LMX1B: variants seen among roughly 807,000 people sequenced by gnomAD.
The protein encoded by LMX1B is LIM homeobox transcription factor 1 beta, also known as LIM homeobox transcription factor 1-beta.
LMX1B carries 12 observed loss-of-function variants against 51.4 expected under a neutral mutation model. That is an observed-to-expected ratio of 0.23 (90% CI 0.15 to 0.38). The LOEUF (loss-of-function observed/expected upper bound fraction) is 0.38, where lower values mean the gene tolerates loss of function less well. LMX1B is among the 10% of genes least tolerant of loss of function. LMX1B has a pLI of 1.00. For synonymous variants in LMX1B, 237 were observed against 235.4 expected, an observed-to-expected ratio of 1.01 and a Z score of -0.06; for missense variants, 445 against 571.1, an observed-to-expected ratio of 0.78 and a Z score of 2.25.
rs375644121 is a variant in LMX1B, at chr9:126,630,512, C to T, written c.326+14943C>T. Among the ~76,000 whole-genome samples the T allele has an allele frequency of 2.4e-4, 37 of 152,266 alleles. No homozygotes were observed. In the East Asian group the frequency reaches 5.0e-3, roughly 21 times the overall value. On this transcript the variant is annotated intron_variant, in intron 2 of 7. Coordinates refer to ENST00000373474, the MANE Select transcript of LMX1B (RefSeq NM_001174147.2). ...GTCATCCCTTCCAAACCCCATTTTA[C>T]AGGGGAGGAAATTAAAGCACAGAGA...
At chr9:126,667,063 C>A (rs1836353918) in intron 2 of LMX1B, among the ~76,000 whole-genome samples, 1 of 152,170 alleles carries the variant, frequency 6.6e-6, no homozygotes, top group East Asian at 1.9e-4. Flanking sequence ...TCAGGCAAAG[C>A]AGAAGTCAAA....
intron 2 of LMX1B, among the ~76,000 whole-genome samples, chr9:126,652,612 T>G (rs1013827500): frequency 2.6e-5 from 4 of 151,932 alleles, no homozygotes; most frequent in African/African-American, 4.8e-5. Flanking sequence ...TGCGTGACTG[T>G]GTGTGTGTGT....
chr9:126,682,108 T>TTTTTTTTTTAA (rs1554727665), intron 2 of LMX1B, among the ~76,000 whole-genome samples: 1 of 139,020 alleles, frequency 7.2e-6, no homozygotes, highest in African/African-American at 2.9e-5. Flanking sequence ...TTTTTTTTTT[T>TTTTTTTTTTAA]ATAGAGATGG....
chr9:126,696,897 G>T lies in LMX1B; in HGVS notation c.*446G>T, dbSNP rs894019334. The T allele has an allele frequency of 1.1e-4, 24 of 211,164 alleles. No homozygotes were observed. The highest frequency in any genetic ancestry group is 2.2e-4 in the Non-Finnish European group (23 of 104,350). The allele number at this position is 211,164 out of a possible 1,614,324, so 13.1% of individuals were successfully genotyped here. A position where few individuals can be genotyped will look rare whatever the true frequency, so the allele number is the denominator to read the frequency against. Reference sequence around the variant, plus strand: ...TACCTGTGCCCCAGCAAGGGCAGGGGTGGCCTCTGGGGGCAGGCCCACTGC... The same window carrying T: ...TACCTGTGCCCCAGCAAGGGCAGGGTTGGCCTCTGGGGGCAGGCCCACTGC... On this transcript the variant is annotated 3_prime_UTR_variant, in exon 8 of 8. Transcript: ENST00000373474.
rs2030306119 is a variant in LMX1B at position 126,695,827 on chromosome 9, C to G, written c.887-12C>G. 2 of 1,612,292 alleles carry G rather than the reference C, an allele frequency of 1.2e-6. No homozygotes were observed. The highest frequency in any genetic ancestry group is 2.2e-5 in the South Asian group (2 of 90,996). ...GACCAGGCCAGGGGGTGAAGGCTCA[C>G]TGTGCCCCCAGAGGTCCTGTCCAGC... On this transcript the variant is annotated splice_polypyrimidine_tract_variant and intron_variant, in intron 6 of 7. Transcript: ENST00000373474. This position sits in a 1 kb window ranked among gnomAD's most constrained non-coding sequence, Gnocchi z 5.2.
At position 126,684,162 on chromosome 9, in the gene LMX1B, T is replaced by C. The variant is rs1043339393; in HGVS notation, c.327-6674T>C. Among the ~76,000 whole-genome samples, 5 of 152,132 alleles carry C rather than the reference T, an allele frequency of 3.3e-5. No individual in the cohort carries two copies. In the South Asian group the frequency reaches 8.3e-4, roughly 25 times the overall value. On this transcript the variant is annotated intron_variant, in intron 2 of 7. Transcript: ENST00000373474. Reference sequence around the variant, plus strand: ...GTCCCCATGGAGGGAGGAAGGTGTTTCCAGCAGTGGTTGCTGCTGGGACCG... The same window carrying C: ...GTCCCCATGGAGGGAGGAAGGTGTTCCCAGCAGTGGTTGCTGCTGGGACCG...
intron 2 of LMX1B, among the ~76,000 whole-genome samples, chr9:126,682,911 A>G (rs1040066601): frequency 2.0e-5 from 3 of 150,578 alleles, no homozygotes; most frequent in African/African-American, 4.9e-5. Context: ...AAAAAAAAAA[A>G]AAAAGAAAGA....
At chr9:126,692,326 G>A (rs758874185) in intron 3 of LMX1B, among the ~76,000 whole-genome samples, 5 of 152,366 alleles carry the variant, frequency 3.3e-5, no homozygotes, top group Non-Finnish European at 5.9e-5. Flanking sequence ...GAAGAAAGGA[G>A]ACCAGCCTGG....
At chr9:126,689,596 T>C (rs530050120) in intron 2 of LMX1B, among the ~76,000 whole-genome samples, 2 of 152,130 alleles carry the variant, frequency 1.3e-5, no homozygotes, top group Non-Finnish European at 2.9e-5. Context: ...CGTGACAGGG[T>C]GGGGGAGTGT....
At chr9:126,665,335 A>G (rs1836322345) in intron 2 of LMX1B, among the ~76,000 whole-genome samples, 1 of 151,852 alleles carries the variant, frequency 6.6e-6, no homozygotes. Context: ...CGGGGCTGCC[A>G]GCTGTGCAGT....
At chr9:126,646,405 C>T (rs546981301) in intron 2 of LMX1B, among the ~76,000 whole-genome samples, 13 of 152,168 alleles carry the variant, frequency 8.5e-5, no homozygotes, top group African/African-American at 3.1e-4. Flanking sequence ...TCAATCTACC[C>T]ATCCATCCAT....
chr9:126,658,049 G>C lies in LMX1B; in HGVS notation c.327-32787G>C, dbSNP rs765603241. Among the ~76,000 whole-genome samples the C allele has an allele frequency of 3.3e-5, 5 of 152,142 alleles. No individual in the cohort carries two copies. The highest frequency in any genetic ancestry group is 7.2e-5 in the African/African-American group (3 of 41,428). Reference sequence around the variant, plus strand: ...AGGTCCTTGCTTGGGGGAATAAGCAGTGGGATGGGGAGGTCTTAGAAGAGG... The same window carrying C: ...AGGTCCTTGCTTGGGGGAATAAGCACTGGGATGGGGAGGTCTTAGAAGAGG... On this transcript the variant is annotated intron_variant, in intron 2 of 7. Coordinates refer to ENST00000373474, the MANE Select transcript of LMX1B (RefSeq NM_001174147.2). This position sits in a 1 kb window ranked among gnomAD's most constrained non-coding sequence, Gnocchi z 4.0.
intron 2 of LMX1B, among the ~76,000 whole-genome samples, chr9:126,620,336 T>A (rs1835383975): frequency 6.6e-6 from 1 of 152,184 alleles, no homozygotes; most frequent in South Asian, 2.1e-4. Context: ...AGCTGTGTGA[T>A]CTTCGCTAAG....
chr9:126,655,697 A>G (rs891904257), intron 2 of LMX1B, among the ~76,000 whole-genome samples: 1 of 152,232 alleles, frequency 6.6e-6, no homozygotes, highest in Non-Finnish European at 1.5e-5. Flanking sequence ...TGGAGATACA[A>G]TGATACTGTT....
chr9:126,614,349 C>A lies in LMX1B; in HGVS notation c.-101C>A. 1 of 869,878 alleles carries A rather than the reference C, an allele frequency of 1.1e-6. No individual in the cohort carries two copies. Among genetic ancestry groups the A allele is most frequent in the Non-Finnish European group, 1.4e-6 (1 of 706,742 alleles). The allele number at this position is 869,878 out of a possible 1,614,324, so 53.9% of individuals were successfully genotyped here. On this transcript the variant is annotated 5_prime_UTR_variant, in exon 1 of 8. Coordinates refer to ENST00000373474, the MANE Select transcript of LMX1B (RefSeq NM_001174147.2). ...CGGCGCAACCCCTGCCCTGCGGGGG[C>A]CGCGCCTCCCCGGTTCCAGGGCCGC...
chr9:126,643,660 T>C (rs1195741865), intron 2 of LMX1B, among the ~76,000 whole-genome samples: 2 of 152,258 alleles, frequency 1.3e-5, no homozygotes, highest in East Asian at 3.9e-4. Flanking sequence ...GGACCACAAG[T>C]ATAAGCCAGG....
intron 2 of LMX1B, among the ~76,000 whole-genome samples, chr9:126,633,516 T>C (rs1835665388): frequency 6.6e-6 from 1 of 152,144 alleles, no homozygotes; most frequent in South Asian, 2.1e-4. Context: ...GGAGGACACC[T>C]GGCCAATCCT....
At chr9:126,622,102 G>A (rs1835426974) in intron 2 of LMX1B, among the ~76,000 whole-genome samples, 1 of 152,184 alleles carries the variant, frequency 6.6e-6, no homozygotes, top group Admixed American at 6.5e-5. Flanking sequence ...GAGGATGAGG[G>A]GCTGGGGATC....
chr9:126,655,393 CCAGGGACACCTGCCCAGCA>C (rs1836096259), intron 2 of LMX1B, among the ~76,000 whole-genome samples: 1 of 152,072 alleles, frequency 6.6e-6, no homozygotes, highest in South Asian at 2.1e-4. Context: ...AGGGAGCTGG[CCAGGGACACCTGCCCAGCA>C]CAGAGGAATT....
Sources: gnomAD v4.1 joint callset for allele counts (sites outside exome capture counted in the v4.1 genomes callset) on GRCh38, gnomAD v4.1.1 for gene constraint, Gnocchi (gnomAD v3.1) non-coding constraint, MANE v1.5 for transcripts, NCBI Gene and HGNC (gene_info 2026-07-23, HGNC 2026-07-21) for gene names.